MMP26: variants seen among roughly 807,000 people sequenced by gnomAD.
MMP26 encodes matrix metalloproteinase-26.
MMP26 carries 33 observed loss-of-function variants against 31.0 expected under a neutral mutation model. That is an observed-to-expected ratio of 1.06 (90% confidence interval 0.81 to 1.42). The LOEUF (loss-of-function observed/expected upper bound fraction) is 1.42, where lower values mean the gene tolerates loss of function less well. Ranked by LOEUF, MMP26 falls within the 40% of genes most tolerant of loss-of-function variation. The pLI is 0.00. For synonymous variants in MMP26, 122 were observed against 114.9 expected (o/e 1.06, Z -0.40); for missense variants, 347 against 316.1 (o/e 1.10, Z -0.74).
chr11:4,767,869 T>C (rs1017643123), intron 2 of MMP26, among the ~76,000 whole-genome samples: 2 of 152,210 alleles, frequency 1.3e-5, no homozygotes, highest in Non-Finnish European at 2.9e-5. Context: ...CATTTCCCTC[T>C]GATTTTATTC....
At chr11:4,709,410 G>A (rs961717592) in intron 1 of MMP26, among the ~76,000 whole-genome samples, 2 of 152,108 alleles carry the variant, frequency 1.3e-5, no homozygotes, top group Non-Finnish European at 2.9e-5. Context: ...ACACATATAA[G>A]AAAACAGTAA....
At chr11:4,804,967 CAAAAAA>C (rs372949891) in intron 2 of MMP26, among the ~76,000 whole-genome samples, 2 of 111,800 alleles carry the variant, frequency 1.8e-5, no homozygotes, top group Admixed American at 9.8e-5. Context: ...GAAACCGCCT[CAAAAAA>C]AAAAAAAAAA....
chr11:4,929,762 T>G (rs1262366967), intron 2 of MMP26, among the ~76,000 whole-genome samples: 1 of 152,136 alleles, frequency 6.6e-6, no homozygotes, highest in African/African-American at 2.4e-5. Flanking sequence ...AGTTTAATTA[T>G]GTTATTCTAA....
chr11:4,981,648 TTAA>T (rs111665807), intron 2 of MMP26, among the ~76,000 whole-genome samples: 15,874 of 152,052 alleles, frequency 0.1, 935 homozygotes, highest in Middle Eastern at 0.24. Flanking sequence ...ACTTTCTTAT[TTAA>T]TAATAAATTA....
At chr11:4,967,485 C>A (rs1846612201) in intron 2 of MMP26, among the ~76,000 whole-genome samples, 1 of 152,168 alleles carries the variant, frequency 6.6e-6, no homozygotes, top group Non-Finnish European at 1.5e-5. Flanking sequence ...ATTTGCAATA[C>A]CTAGAGATTT....
rs868190164 is a variant in MMP26 at position 4,990,803 on chromosome 11, G to A, written c.469+57G>A. 3.1e-5 allele frequency: 46 copies of A among 1,505,798 alleles called. No homozygotes were observed. The Middle Eastern group carries it at 3.0e-3, about 100-fold the overall frequency. 93.3% of individuals were successfully genotyped at this position (1,505,798 alleles called of 1,614,324 possible). A position where few individuals can be genotyped will look rare whatever the true frequency, so the allele number is the denominator to read the frequency against. The stretch of plus-strand genomic sequence containing the variant: ...ATATGCCCTGTGTAAAGGACAAAGG[G>A]TTTCCATCCTTAAACAAAAACCTAG... On this transcript the variant is annotated intron_variant, in intron 5 of 7. Transcript: ENST00000380390.
At chr11:4,904,336 G>C (rs1246147482) in intron 2 of MMP26, among the ~76,000 whole-genome samples, 1 of 152,044 alleles carries the variant, frequency 6.6e-6, no homozygotes, top group Non-Finnish European at 1.5e-5. Context: ...CTTGAGAACT[G>C]ATTTTTGCCT....
At chr11:4,888,571 T>C (rs1019292074) in intron 2 of MMP26, among the ~76,000 whole-genome samples, 11 of 152,098 alleles carry the variant, frequency 7.2e-5, no homozygotes, top group Non-Finnish European at 7.4e-5. Flanking sequence ...TTTTTCCTAT[T>C]TTTTACCAAA....
chr11:4,742,439 G>A (rs945239897), intron 1 of MMP26, among the ~76,000 whole-genome samples: 3 of 152,126 alleles, frequency 2.0e-5, no homozygotes, highest in Non-Finnish European at 4.4e-5. Context: ...GTGGGCATGA[G>A]GGGAGGGGTA....
chr11:4,744,598 G>C (rs1024975141), intron 1 of MMP26, among the ~76,000 whole-genome samples: 1 of 152,150 alleles, frequency 6.6e-6, no homozygotes, highest in Non-Finnish European at 1.5e-5. Flanking sequence ...TCAGCCCTAT[G>C]AGGATCATTT....
In MMP26 at chr11:4,988,352, T is replaced by A. The variant is rs199875969; in HGVS notation, c.99+42T>A. On this transcript the variant is annotated intron_variant, in intron 3 of 7. Transcript: ENST00000380390. ...GGACCACATTATTACATGGTGACCA[T>A]TGTGGGCTCTTATTTCGTGTGTGTG... 304 of 1,477,978 alleles carry A rather than the reference T, an allele frequency of 2.1e-4. 2 individuals are homozygous for A. The African/African-American group carries it at 3.8e-3, about 18-fold the overall frequency. 91.6% of individuals were successfully genotyped at this position (1,477,978 alleles called of 1,614,324 possible). A position where few individuals can be genotyped will look rare whatever the true frequency, so the allele number is the denominator to read the frequency against.
At chr11:4,907,841 C>T in intron 2 of MMP26, 1 of 1,613,640 alleles carries the variant, frequency 6.2e-7, no homozygotes, top group East Asian at 2.2e-5. Context: ...CTTAGTGATT[C>T]CATTTCCCTT....
chr11:4,854,011 C>T (rs1156704440), intron 2 of MMP26, among the ~76,000 whole-genome samples: 1 of 152,078 alleles, frequency 6.6e-6, no homozygotes, highest in Non-Finnish European at 1.5e-5. Flanking sequence ...GAAAAAAGGA[C>T]AAAAATTGCA....
intron 2 of MMP26, among the ~76,000 whole-genome samples, chr11:4,910,784 A>G (rs10836935): frequency 0.11 from 17,057 of 152,124 alleles, 1,552 homozygotes; most frequent in East Asian, 0.56. Context: ...GAAGGGCCCA[A>G]TAAATATCTA....
chr11:4,927,132 G>A (rs1305544117), intron 2 of MMP26, among the ~76,000 whole-genome samples: 1 of 152,124 alleles, frequency 6.6e-6, no homozygotes, highest in African/African-American at 2.4e-5. Flanking sequence ...GGTGGGCCGG[G>A]CAATGATCCT....
At chr11:4,946,428 T>C (rs1279887625) in intron 2 of MMP26, 1 of 1,609,662 alleles carries the variant, frequency 6.2e-7, no homozygotes, top group Non-Finnish European at 8.5e-7. Context: ...CCCAGTACAG[T>C]CTTGAGGATC....
rs1252991864 is a variant in MMP26, at chr11:4,865,092, G to C, written c.-145+97751G>C. Among the ~76,000 whole-genome samples, 5 of 151,908 alleles carry C rather than the reference G, an allele frequency of 3.3e-5. No homozygotes were observed. The East Asian group carries it at 9.7e-4, about 29-fold the overall frequency. On this transcript the variant is annotated intron_variant, in intron 2 of 7. Coordinates refer to ENST00000380390, the MANE Select transcript of MMP26 (RefSeq NM_021801.5). ...CAGCTATTCCCCCTCCTTCCCATCAGCATTTATACAATCAAATAGGCCTAG... is the reference window on the plus strand; with the variant it reads ...CAGCTATTCCCCCTCCTTCCCATCACCATTTATACAATCAAATAGGCCTAG...
intron 2 of MMP26, among the ~76,000 whole-genome samples, chr11:4,960,763 A>G (rs1316555536): frequency 6.6e-6 from 1 of 152,136 alleles, no homozygotes; most frequent in Non-Finnish European, 1.5e-5. Context: ...ACATTTAAAA[A>G]GGGGATTTAT....
At chr11:4,971,570 G>A (rs1846666851) in intron 2 of MMP26, among the ~76,000 whole-genome samples, 3 of 152,288 alleles carry the variant, frequency 2.0e-5, no homozygotes, top group South Asian at 4.1e-4. Flanking sequence ...GTATGGAAAA[G>A]GAGTAAGGTT....
Sources: allele counts gnomAD v4.1 joint callset (sites outside exome capture counted in the v4.1 genomes callset), GRCh38; gene constraint gnomAD v4.1.1; transcripts MANE v1.5; gene names NCBI Gene and HGNC (gene_info 2026-07-23, HGNC 2026-07-21).